The following ABCB9 variants were observed in gnomAD, a reference collection of about 807,000 sequenced individuals.
ABCB9 encodes ATP binding cassette subfamily B member 9, also known as ABC-type oligopeptide transporter ABCB9.
In ABCB9, 36 loss-of-function variants were observed where a neutral mutation model predicts 62.0. That is an observed-to-expected ratio of 0.58 (90% confidence interval 0.45 to 0.77). The LOEUF (loss-of-function observed/expected upper bound fraction) is 0.77, where lower values mean the gene tolerates loss of function less well. Ranked by LOEUF, ABCB9 falls within the 30% of genes least tolerant of loss-of-function variation. ABCB9 has a pLI of 0.00. For synonymous variants in ABCB9, 435 were observed against 461.4 expected (o/e 0.94, Z 0.73); for missense variants, 943 against 1,054.7 (o/e 0.89, Z 1.47).
intron 1 of ABCB9, among the ~76,000 whole-genome samples, chr12:122,963,459 A>G (rs916001901): frequency 1.4e-4 from 21 of 152,276 alleles, no homozygotes; most frequent in Admixed American, 3.3e-4. Context: ...CCAGAGCCCT[A>G]TGAAGTAGGT....
At chr12:122,926,567 C>T (rs1013965485), downstream of ABCB9, among the ~76,000 whole-genome samples, 1 of 151,672 alleles carries the variant, frequency 6.6e-6, no homozygotes, top group Non-Finnish European at 1.5e-5. Context: ...ACAAAAAACC[C>T]TGCCAAAATA....
intron 7 of ABCB9, 130 bp from the exon 8 acceptor site, chr12:122,941,125 C>A: frequency 3.2e-6 from 3 of 934,292 alleles, no homozygotes; most frequent in Non-Finnish European, 4.7e-6. Flanking sequence ...GGCCACCTGA[C>A]CACCCACTGG....
rs1306161453 is a variant in ABCB9 at position 122,932,132 on chromosome 12, G to A, written c.2040+60C>T. On this transcript the variant is annotated intron_variant, in intron 11 of 11. Transcript: ENST00000280560. The surrounding 1 kb of genome is among the most constrained non-coding windows in gnomAD (Gnocchi z 4.7). ...CTCAGCATCCATCTGCTGGGCGATG[G>A]GGGCTCTGGCCACCTGGAGCCGCTC... The A allele has an allele frequency of 6.5e-7, 1 of 1,549,686 alleles. No homozygotes were observed. The highest frequency in any genetic ancestry group is 1.4e-5 in the African/African-American group (1 of 73,132).
chr12:122,944,643 G>A lies in ABCB9; in HGVS notation c.1252-124C>T, dbSNP rs1373146265. 14 of 1,393,372 alleles carry A rather than the reference G, an allele frequency of 1.0e-5. No homozygotes were observed. The highest frequency in any genetic ancestry group is 2.7e-5 in the South Asian group (2 of 74,320). The allele number at this position is 1,393,372 out of a possible 1,614,324, so 86.3% of individuals were successfully genotyped here. The stretch of plus-strand genomic sequence containing the variant: ...AGACCCAGCCACAAACTGAAATGCC[G>A]GCCGTTGGCAGGGGTGTCTTCCAAG... On this transcript the variant is annotated intron_variant, in intron 6 of 11. Coordinates refer to ENST00000280560, the MANE Select transcript of ABCB9 (RefSeq NM_019625.4). This position sits in a 1 kb window ranked among gnomAD's most constrained non-coding sequence, Gnocchi z 4.9.
chr12:122,938,209 G>C (rs910533706), intron 9 of ABCB9, among the ~76,000 whole-genome samples: 2 of 152,060 alleles, frequency 1.3e-5, no homozygotes, highest in African/African-American at 4.8e-5. Flanking sequence ...TGGTATTTTT[G>C]GTAATGGTAA....
chr12:122,966,712 C>A (rs1007687926), upstream of ABCB9, among the ~76,000 whole-genome samples: 17 of 152,270 alleles, frequency 1.1e-4, no homozygotes, highest in African/African-American at 3.9e-4. Context: ...CCACATCTGG[C>A]CAACCAGGCC....
chr12:122,923,502 G>A (rs527275637), intron 11 of ABCB9, among the ~76,000 whole-genome samples: 30 of 152,130 alleles, frequency 2.0e-4, no homozygotes, highest in African/African-American at 5.8e-4. Context: ...TGTTAGCCAG[G>A]ATGGTCTCCA....
chr12:122,954,171 CAA>C (rs557726998), intron 2 of ABCB9, among the ~76,000 whole-genome samples: 40 of 114,626 alleles, frequency 3.5e-4, no homozygotes, highest in Admixed American at 3.6e-4. Flanking sequence ...GGCCCTGCCT[CAA>C]AAAAAAAAAA....
intron 1 of ABCB9, among the ~76,000 whole-genome samples, chr12:122,963,206 A>G (rs2037002920): frequency 6.6e-6 from 1 of 152,178 alleles, no homozygotes; most frequent in South Asian, 2.1e-4. Context: ...GCTGAGGCAG[A>G]AGAATCACTT....
At chr12:122,924,683 C>A (rs2034841959), downstream of ABCB9, 3 of 1,520,000 alleles carry the variant, frequency 2.0e-6, no homozygotes, top group Non-Finnish European at 2.6e-6. Context: ...ACTAAGCCAG[C>A]CCTGGGGTGC....
chr12:122,920,982 T>G lies in ABCB9; in HGVS notation c.*56A>C, dbSNP rs982092588. ...CTGAAAATGTTTTATACCTGAATGG[T>G]TATCATTGTCATCATCATCAATCCA... On this transcript the variant is annotated 3_prime_UTR_variant, in exon 12 of 12. Coordinates refer to the ABCB9 transcript ENST00000344275. 4 of 1,528,020 alleles carry G rather than the reference T, an allele frequency of 2.6e-6. No homozygotes were observed. In the African/African-American group the frequency reaches 5.5e-5, roughly 21 times the overall value. The allele number at this position is 1,528,020 out of a possible 1,614,324, so 94.7% of individuals were successfully genotyped here.
At chr12:122,973,861 AAAACAAAC>A (rs374635805) in intron 1 of ABCB9, among the ~76,000 whole-genome samples, 25 of 151,950 alleles carry the variant, frequency 1.6e-4, no homozygotes, top group Non-Finnish European at 3.2e-4. Flanking sequence ...ACTCCGTCTC[AAAACAAAC>A]AAACAAACAA....
chr12:122,944,334 C>T lies in ABCB9; in HGVS notation c.1380+57G>A. 1 of 1,216,724 alleles carries T rather than the reference C, an allele frequency of 8.2e-7. No homozygotes were observed. The allele number at this position is 1,216,724 out of a possible 1,614,324, so 75.4% of individuals were successfully genotyped here. A position where few individuals can be genotyped will look rare whatever the true frequency, so the allele number is the denominator to read the frequency against. On this transcript the variant is annotated intron_variant, in intron 7 of 11. Coordinates refer to ENST00000280560, the MANE Select transcript of ABCB9 (RefSeq NM_019625.4). This position sits in a 1 kb window ranked among gnomAD's most constrained non-coding sequence, Gnocchi z 4.9. ...AGCCCCGCCCCCACCCTGTTAAGATCCCTCTTCCCCAAACTCCTCCCTTCT... is the reference window on the plus strand; with the variant it reads ...AGCCCCGCCCCCACCCTGTTAAGATTCCTCTTCCCCAAACTCCTCCCTTCT...
At chr12:122,919,278 T>A (rs963136664), downstream of ABCB9, among the ~76,000 whole-genome samples, 2 of 152,098 alleles carry the variant, frequency 1.3e-5, no homozygotes, top group Non-Finnish European at 2.9e-5. Flanking sequence ...GCTCAAAGGA[T>A]CCTCCTGCCT....
At chr12:122,923,479 CG>C (rs1199622632) in intron 11 of ABCB9, among the ~76,000 whole-genome samples, 1 of 151,946 alleles carries the variant, frequency 6.6e-6, no homozygotes, top group Non-Finnish European at 1.5e-5. Context: ...TTAGTAGAGA[CG>C]GGGTTTCACT....
In ABCB9 at chr12:122,936,785, TC is replaced by T. The variant is rs748274277; in HGVS notation, c.1744-1355del. Among the ~76,000 whole-genome samples, 333 of 151,344 alleles carry T rather than the reference TC, an allele frequency of 2.2e-3. 1 individual carries two copies. The highest frequency in any genetic ancestry group is 6.8e-4 in the Non-Finnish European group (46 of 67,866). ...TGGGTGTGGTGGTGCATGCCTGTAA[TC>T]CCAGCTACTCAAGAGGATGAGGCAG... On this transcript the variant is annotated intron_variant, in intron 9 of 11. Coordinates refer to ENST00000280560, the MANE Select transcript of ABCB9 (RefSeq NM_019625.4).
downstream of ABCB9, among the ~76,000 whole-genome samples, chr12:122,919,868 C>A (rs946167200): frequency 1.4e-5 from 2 of 141,210 alleles, no homozygotes; most frequent in Non-Finnish European, 3.1e-5. Context: ...CTGGGTGACT[C>A]ATCTGTTTGT....
In ABCB9 at chr12:122,940,241, A is replaced by G; in HGVS notation, c.1613T>C (p.Val538Ala). 1 of 1,610,178 alleles carries G rather than the reference A, an allele frequency of 6.2e-7. No individual in the cohort carries two copies. Among genetic ancestry groups the G allele is most frequent in the Non-Finnish European group, 8.5e-7 (1 of 1,177,604 alleles). The part of the protein sequence containing the change: ...SLSPGKVTAL[V>A]GPSGSGKSSC... ...GCTCTTCCCACTGCCCGAGGGCCCC[A>G]CCAGGGCCGTCACCTTGCCGGGGGA... The change falls in exon 9 of 12, where the codon GTG (valine) becomes GCG (alanine). Residue 538 changes from valine (V) to alanine (A), a missense_variant. Physicochemically the swap from Val to Ala is moderately conservative, Grantham distance 64. Transcript: ENST00000280560. This position sits in a 1 kb window ranked among gnomAD's most constrained non-coding sequence, Gnocchi z 4.8.
intron 2 of ABCB9, chr12:122,953,177 G>A (rs2036447056): frequency 6.6e-6 from 1 of 151,806 alleles, no homozygotes; most frequent in African/African-American, 2.4e-5. Context: ...ACCTTTGCAT[G>A]GGCTAGTCCT....
Sources: gnomAD v4.1 joint callset for allele counts (sites outside exome capture counted in the v4.1 genomes callset) on GRCh38, gnomAD v4.1.1 for gene constraint, Gnocchi (gnomAD v3.1) non-coding constraint, MANE v1.5 for transcripts, NCBI Gene and HGNC (gene_info 2026-07-23, HGNC 2026-07-21) for gene names.